Variants in GFRA1 observed in about 807,000 individuals in gnomAD.
The protein encoded by GFRA1 is GDNF family receptor alpha-1.
In GFRA1, 16 loss-of-function variants were observed where a neutral mutation model predicts 51.6. That is an observed-to-expected ratio of 0.31 (90% CI 0.21 to 0.47). The LOEUF (loss-of-function observed/expected upper bound fraction) is 0.47. Among genes scored for constraint, GFRA1 ranks in the 20% least tolerant of loss-of-function variants. GFRA1 has a pLI of 1.00. For synonymous variants in GFRA1, 270 were observed against 241.3 expected, an observed-to-expected ratio of 1.12 and a Z score of -1.10; for missense variants, 530 against 594.3, an observed-to-expected ratio of 0.89 and a Z score of 1.13.
intron 8 of GFRA1, 87 bp downstream of exon 8, chr10:116,093,615 G>A (rs1956446616): frequency 8.5e-6 from 10 of 1,170,882 alleles, no homozygotes; most frequent in South Asian, 2.5e-5. Flanking sequence ...GGTACAAGAG[G>A]TACAGGCACA....
At chr10:116,106,859 T>C (rs553840482) in intron 6 of GFRA1, among the ~76,000 whole-genome samples, 1 of 152,060 alleles carries the variant, frequency 6.6e-6, no homozygotes, top group East Asian at 1.9e-4. Flanking sequence ...GGTGCTGTCC[T>C]TGTGATAGTG....
chr10:116,156,036 G>A (rs1243398150), intron 5 of GFRA1, among the ~76,000 whole-genome samples: 3 of 152,132 alleles, frequency 2.0e-5, no homozygotes, highest in African/African-American at 4.8e-5. Context: ...TGAAGGAGAC[G>A]ATATTTCCAT....
intron 5 of GFRA1, among the ~76,000 whole-genome samples, chr10:116,179,376 T>C (rs1302849637): frequency 6.6e-6 from 1 of 152,232 alleles, no homozygotes; most frequent in Non-Finnish European, 1.5e-5. Flanking sequence ...TTTATTTATG[T>C]CCTCACCCAC....
rs777620045 is a variant in GFRA1 at position 116,125,438 on chromosome 10, CGTT to C, written c.550_552del (p.Asn184del). ...TGGCACTTGCGGCGGTTGCAGACATCGTTGGACACGCTGGTGGTGCACGGGGTG... is the reference window on the plus strand; with the variant it reads ...TGGCACTTGCGGCGGTTGCAGACATCGGACACGCTGGTGGTGCACGGGGTG... On this transcript the variant is annotated inframe_deletion, in exon 6 of 11. Coordinates refer to ENST00000355422, the MANE Select transcript of GFRA1 (RefSeq NM_005264.8). 4.7e-5 allele frequency: 76 copies of C among 1,614,000 alleles called. No homozygotes were observed. Among genetic ancestry groups the C allele is most frequent in the Non-Finnish European group, 6.3e-5 (74 of 1,179,986 alleles).
intron 5 of GFRA1, among the ~76,000 whole-genome samples, chr10:116,196,271 CA>C (rs1346197238): frequency 6.6e-6 from 1 of 150,906 alleles, no homozygotes; most frequent in East Asian, 2.0e-4. Flanking sequence ...GAGTGGATCA[CA>C]AGGTCAGGAG....
chr10:116,171,523 T>C (rs1961023404), intron 5 of GFRA1, among the ~76,000 whole-genome samples: 1 of 152,218 alleles, frequency 6.6e-6, no homozygotes, highest in Non-Finnish European at 1.5e-5. Context: ...AATGGATGCC[T>C]AGACTGATTT....
intron 4 of GFRA1, among the ~76,000 whole-genome samples, chr10:116,259,354 C>CCAG (rs1161828813): frequency 6.9e-6 from 1 of 144,002 alleles, no homozygotes; most frequent in African/African-American, 2.6e-5. Context: ...TTGTGTAATG[C>CCAG]TATTTATACG....
At chr10:116,158,641 C>T (rs1959408148) in intron 5 of GFRA1, among the ~76,000 whole-genome samples, 1 of 152,204 alleles carries the variant, frequency 6.6e-6, no homozygotes, top group Non-Finnish European at 1.5e-5. Flanking sequence ...ACAGGATCAG[C>T]CTGGGGACAG....
chr10:116,167,083 G>C (rs1280123985), intron 5 of GFRA1, among the ~76,000 whole-genome samples: 1 of 151,998 alleles, frequency 6.6e-6, no homozygotes, highest in Non-Finnish European at 1.5e-5. Context: ...ACAGGTGTGA[G>C]CCACCGTGCC....
chr10:116,188,357 G>A (rs1015324151), intron 5 of GFRA1, among the ~76,000 whole-genome samples: 5 of 152,176 alleles, frequency 3.3e-5, no homozygotes, highest in African/African-American at 1.2e-4. Flanking sequence ...GAACAGGCTG[G>A]ACACAAAAGG....
At chr10:116,136,416 G>T (rs558848123) in intron 5 of GFRA1, among the ~76,000 whole-genome samples, 3 of 152,096 alleles carry the variant, frequency 2.0e-5, no homozygotes, top group Non-Finnish European at 2.9e-5. Context: ...CTTTAAAACC[G>T]ACGCTGCTTC....
chr10:116,216,931 C>T (rs1965604904), intron 4 of GFRA1, among the ~76,000 whole-genome samples: 1 of 152,174 alleles, frequency 6.6e-6, no homozygotes, highest in Non-Finnish European at 1.5e-5. Context: ...TGCCCCCTCA[C>T]CAAGGTTAAA....
chr10:116,128,708 T>C (rs1957975627), intron 5 of GFRA1, among the ~76,000 whole-genome samples: 1 of 118,964 alleles, frequency 8.4e-6, no homozygotes, highest in South Asian at 2.7e-4. Context: ...CCTGGGGGAC[T>C]GAGTGAGACT....
chr10:116,102,551 T>G (rs941999177), intron 6 of GFRA1, among the ~76,000 whole-genome samples: 10 of 152,176 alleles, frequency 6.6e-5, no homozygotes, highest in African/African-American at 2.4e-4. Flanking sequence ...AGAGGTTTAA[T>G]GCATTCACAG....
intron 8 of GFRA1, among the ~76,000 whole-genome samples, chr10:116,092,123 AC>A (rs1341419976): frequency 7.3e-5 from 11 of 151,622 alleles, no homozygotes; most frequent in African/African-American, 2.7e-4. Flanking sequence ...ACACACACAC[AC>A]ACACACACAC....
At chr10:116,092,897 G>A (rs934013153) in intron 8 of GFRA1, among the ~76,000 whole-genome samples, 4 of 152,212 alleles carry the variant, frequency 2.6e-5, no homozygotes, top group Admixed American at 6.5e-5. Flanking sequence ...CAGCTGGATC[G>A]TCATCTAGGG....
intron 4 of GFRA1, among the ~76,000 whole-genome samples, chr10:116,243,045 C>T (rs914349323): frequency 6.6e-6 from 1 of 152,004 alleles, no homozygotes; most frequent in Non-Finnish European, 1.5e-5. Flanking sequence ...CTACTTTATC[C>T]GCACCAAGGA....
chr10:116,265,819 C>T (rs1220127338), intron 4 of GFRA1, among the ~76,000 whole-genome samples: 4 of 152,050 alleles, frequency 2.6e-5, no homozygotes, highest in African/African-American at 9.7e-5. Flanking sequence ...TGTGTCCTCC[C>T]GCTCGCTTCA....
At chr10:116,256,288 C>A (rs1968849116) in intron 4 of GFRA1, among the ~76,000 whole-genome samples, 1 of 152,246 alleles carries the variant, frequency 6.6e-6, no homozygotes, top group African/African-American at 2.4e-5. Flanking sequence ...TACTCTGCAG[C>A]ACATATATTT....
Sources: allele counts gnomAD v4.1 joint callset (sites outside exome capture counted in the v4.1 genomes callset), GRCh38; gene constraint gnomAD v4.1.1; transcripts MANE v1.5; gene names NCBI Gene and HGNC (gene_info 2026-07-23, HGNC 2026-07-21).